HHAT: variants seen among roughly 807,000 people sequenced by gnomAD.
The protein encoded by HHAT is hedgehog acyltransferase.
A neutral mutation model predicts 70.8 loss-of-function variants in HHAT; 47 were observed. That is an observed-to-expected ratio of 0.66 (90% confidence interval 0.53 to 0.85). The LOEUF (loss-of-function observed/expected upper bound fraction) is 0.85. Among genes scored for constraint, HHAT ranks in the 40% least tolerant of loss-of-function variants. HHAT has a pLI of 0.00. For synonymous variants in HHAT, 228 were observed against 247.6 expected, an observed-to-expected ratio of 0.92 and a Z score of 0.74; for missense variants, 609 against 604.8, an observed-to-expected ratio of 1.01 and a Z score of -0.07.
At chr1:210,435,522 T>A (rs990582954) in intron 7 of HHAT, among the ~76,000 whole-genome samples, 2 of 151,760 alleles carry the variant, frequency 1.3e-5, no homozygotes, top group Non-Finnish European at 2.9e-5. Context: ...GTGGTTCTAT[T>A]TTTGTTTTTT....
At chr1:210,532,827 G>A (rs2095328915) in intron 9 of HHAT, among the ~76,000 whole-genome samples, 1 of 152,174 alleles carries the variant, frequency 6.6e-6, no homozygotes, top group South Asian at 2.1e-4. Context: ...AAATGCCAGA[G>A]CACAAACCTT....
intron 1 of HHAT, among the ~76,000 whole-genome samples, chr1:210,339,733 G>A (rs1185650868): frequency 6.6e-6 from 1 of 152,192 alleles, no homozygotes; most frequent in East Asian, 1.9e-4. Flanking sequence ...GACCTCAGGA[G>A]GGACATGAAC....
intron 7 of HHAT, among the ~76,000 whole-genome samples, chr1:210,444,813 C>T (rs561271651): frequency 1.3e-5 from 2 of 152,124 alleles, no homozygotes; most frequent in East Asian, 1.9e-4. Context: ...CATGCCCAGC[C>T]GATATATAAC....
chr1:210,436,596 G>A (rs184903395), intron 7 of HHAT, among the ~76,000 whole-genome samples: 22 of 151,612 alleles, frequency 1.5e-4, no homozygotes, highest in Middle Eastern at 3.4e-3. Flanking sequence ...TTTTGTCTTC[G>A]GTTAGTACTT....
intron 9 of HHAT, among the ~76,000 whole-genome samples, chr1:210,532,979 A>G (rs4344331): frequency 0.13 from 19,371 of 151,838 alleles, 1,595 homozygotes; most frequent in South Asian, 0.21. Context: ...TGCACTACCT[A>G]TTTTCTTTCC....
At chr1:210,620,757 A>AT (rs1558292035) in intron 10 of HHAT, among the ~76,000 whole-genome samples, 1 of 151,562 alleles carries the variant, frequency 6.6e-6, no homozygotes, top group Non-Finnish European at 1.5e-5. Context: ...GCTTATTTAA[A>AT]TTTTTTTTTA....
At chr1:210,414,039 A>G (rs2092643533) in intron 6 of HHAT, among the ~76,000 whole-genome samples, 1 of 152,222 alleles carries the variant, frequency 6.6e-6, no homozygotes, top group South Asian at 2.1e-4. Context: ...ACAAAATACT[A>G]TAAACTGGTT....
intron 9 of HHAT, among the ~76,000 whole-genome samples, chr1:210,570,582 C>T (rs999897553): frequency 2.0e-5 from 3 of 152,160 alleles, no homozygotes; most frequent in African/African-American, 7.2e-5. Flanking sequence ...GACCCACCAC[C>T]CAGGAGTGCG....
intron 8 of HHAT, among the ~76,000 whole-genome samples, chr1:210,486,622 G>A (rs2473623): frequency 0.61 from 93,025 of 152,058 alleles, 30,762 homozygotes; most frequent in African/African-American, 0.87. Context: ...TTTCCTATAC[G>A]TCAGGCTAAC....
Position 210,674,446 on chromosome 1 carries a change from T to G in HHAT, c.*67T>G. On this transcript the variant is annotated 3_prime_UTR_variant, in exon 12 of 12. Transcript: ENST00000261458. ...GCAAATAGTGCTTCACCCTGACCTC[T>G]CACTCCAGGACAGCCTCTAAGGGAT... 1 of 1,254,992 alleles carries G rather than the reference T, an allele frequency of 8.0e-7. No individual in the cohort carries two copies. The highest frequency in any genetic ancestry group is 1.2e-6 in the Non-Finnish European group (1 of 861,578). The allele number at this position is 1,254,992 out of a possible 1,614,324, so 77.7% of individuals were successfully genotyped here.
chr1:210,661,635 A>G (rs1320793457), intron 11 of HHAT, among the ~76,000 whole-genome samples: 1 of 152,250 alleles, frequency 6.6e-6, no homozygotes, highest in Non-Finnish European at 1.5e-5. Context: ...ACAATAGCAA[A>G]AACTTGGAAC....
At chr1:210,524,588 G>A (rs1398940944) in intron 9 of HHAT, among the ~76,000 whole-genome samples, 1 of 152,224 alleles carries the variant, frequency 6.6e-6, no homozygotes, top group Admixed American at 6.5e-5. Flanking sequence ...GCCAGACTGT[G>A]ATGAAGATTG....
At chr1:210,467,960 C>T (rs17016245) in intron 8 of HHAT, among the ~76,000 whole-genome samples, 2,159 of 152,300 alleles carry the variant, frequency 0.014, 66 homozygotes, top group African/African-American at 0.049. Flanking sequence ...GAAAATCTTC[C>T]TTGCCATGCT....
At chr1:210,364,470 T>G (rs1389488014) in intron 3 of HHAT, among the ~76,000 whole-genome samples, 2 of 152,174 alleles carry the variant, frequency 1.3e-5, no homozygotes, top group African/African-American at 4.8e-5. Flanking sequence ...TAGATAATAT[T>G]GGAAATATAG....
intron 11 of HHAT, among the ~76,000 whole-genome samples, chr1:210,654,083 G>A (rs61827426): frequency 0.022 from 8 of 358 alleles, no homozygotes; most frequent in Non-Finnish European, 0.1. Flanking sequence ...TGTGACGGGA[G>A]TAGTGTGACA....
chr1:210,334,177 C>CTTTTTTTTTTTTTTTTTTTTTTTT (rs1342123521), intron 1 of HHAT, among the ~76,000 whole-genome samples: 7 of 34,540 alleles, frequency 2.0e-4, no homozygotes, highest in African/African-American at 3.3e-4. Flanking sequence ...TTTAGCGTGT[C>CTTTTTTTTTTTTTTTTTTTTTTTT]ATTTTTTTTT....
chr1:210,385,451 A>G (rs1357275015), intron 3 of HHAT, among the ~76,000 whole-genome samples: 1 of 152,182 alleles, frequency 6.6e-6, no homozygotes, highest in African/African-American at 2.4e-5. Flanking sequence ...GCTGTGGATC[A>G]GGGATCAGGA....
At chr1:210,431,190 G>C (rs1572391247) in intron 7 of HHAT, among the ~76,000 whole-genome samples, 1 of 151,746 alleles carries the variant, frequency 6.6e-6, no homozygotes, top group Non-Finnish European at 1.5e-5. Flanking sequence ...TAAATTTCTG[G>C]CTTGGGGTTT....
chr1:210,327,555 G>C (rs1484018284), upstream of HHAT, among the ~76,000 whole-genome samples: 1 of 152,132 alleles, frequency 6.6e-6, no homozygotes, highest in African/African-American at 2.4e-5. Context: ...ACCCAGGTTG[G>C]AGTGCAGTGG....
Sources: allele counts gnomAD v4.1 joint callset (sites outside exome capture counted in the v4.1 genomes callset), GRCh38; gene constraint gnomAD v4.1.1; transcripts MANE v1.5; gene names NCBI Gene and HGNC (gene_info 2026-07-23, HGNC 2026-07-21).